The following TRMT1L variants were observed in gnomAD, a reference collection of about 807,000 sequenced individuals.
The protein encoded by TRMT1L is tRNA (guanine(27)-N(2))-dimethyltransferase.
Under a neutral mutation model 81.6 loss-of-function variants are expected in TRMT1L, and 28 were observed. That is an observed-to-expected ratio of 0.34 (90% CI 0.25 to 0.47). TRMT1L has a LOEUF of 0.47. Ranked by LOEUF, TRMT1L falls within the 20% of genes least tolerant of loss-of-function variation. The probability of loss-of-function intolerance (pLI) is 1.00; values close to 1 mark genes in which losing one functional copy is unlikely to be tolerated. For synonymous variants in TRMT1L, 301 were observed against 303.2 expected (o/e 0.99, Z 0.07); for missense variants, 739 against 877.1 (o/e 0.84, Z 1.99).
intron 1 of TRMT1L, 54 bp from the exon 2 acceptor site, chr1:185,151,989 T>C: frequency 1.8e-6 from 2 of 1,113,148 alleles, no homozygotes; most frequent in African/African-American, 1.6e-5. Context: ...TCTAGTTCCA[T>C]TTTTATTGAT....
chr1:185,128,937 T>C (rs907392548), intron 10 of TRMT1L, among the ~76,000 whole-genome samples, 190 bp from the exon 11 acceptor site: 1 of 152,178 alleles, frequency 6.6e-6, no homozygotes, highest in African/African-American at 2.4e-5. Context: ...TATACACACA[T>C]ATATGTGCAC....
At position 185,142,504 on chromosome 1, in the gene TRMT1L, A is replaced by G. The variant is rs1404015029; in HGVS notation, c.859+853T>C. ...CTGTTTCTATTATCTTTTCTCTACT[A>G]TTAAGTCTTTTGAGAAGAATATTCT... On this transcript the variant is annotated intron_variant, in intron 7 of 14. Transcript: ENST00000367506. Among the ~76,000 whole-genome samples the G allele has an allele frequency of 2.0e-5, 3 of 152,142 alleles. No homozygotes were observed. In the East Asian group the frequency reaches 5.8e-4, roughly 29 times the overall value.
rs569492923 is a variant in TRMT1L at position 185,149,548 on chromosome 1, C to T, written c.460+831G>A. On this transcript the variant is annotated intron_variant, in intron 3 of 14. Coordinates refer to ENST00000367506, the MANE Select transcript of TRMT1L (RefSeq NM_030934.5). ...TGAACTCATGGCCTCAAGTGATCTT[C>T]CTGCCTCAGCTTCCCAAAGTGCTGA... is the stretch of plus-strand genomic sequence containing the variant. Among the ~76,000 whole-genome samples, 10 of 152,188 alleles carry T rather than the reference C, an allele frequency of 6.6e-5. No homozygotes were observed. In the South Asian group the frequency reaches 1.5e-3, roughly 22 times the overall value.
chr1:185,121,637 G>A (rs946050045), intron 13 of TRMT1L, among the ~76,000 whole-genome samples: 1 of 151,922 alleles, frequency 6.6e-6, no homozygotes, highest in Non-Finnish European at 1.5e-5. Flanking sequence ...ATCTAATGAG[G>A]CACCTAGTCA....
intron 13 of TRMT1L, among the ~76,000 whole-genome samples, chr1:185,122,006 T>C (rs1470405998): frequency 6.6e-6 from 1 of 152,036 alleles, no homozygotes; most frequent in African/African-American, 2.4e-5. Flanking sequence ...GTACCCAAAG[T>C]TTAGCTCCCA....
At chr1:185,137,303 C>G in intron 10 of TRMT1L, 1 of 379,440 alleles carries the variant, frequency 2.6e-6, no homozygotes, top group Non-Finnish European at 4.8e-6. Context: ...TTTGTAACAG[C>G]CTGGAAAAAA....
rs746566967 is a variant in TRMT1L at position 185,143,889 on chromosome 1, T to C, written c.779+17A>G. 55 of 1,596,972 alleles carry C rather than the reference T, an allele frequency of 3.4e-5. No homozygotes were observed. Among genetic ancestry groups the C allele is most frequent in the Non-Finnish European group, 4.4e-5 (52 of 1,168,738 alleles). On this transcript the variant is annotated intron_variant, in intron 6 of 14. Coordinates refer to ENST00000367506, the MANE Select transcript of TRMT1L (RefSeq NM_030934.5). ...TAATTTGAAACATCCCATAACCCTA[T>C]TTTCAATTTATCTTACCGATTTAGT...
intron 10 of TRMT1L, among the ~76,000 whole-genome samples, chr1:185,136,796 G>C (rs1485733898): frequency 6.6e-6 from 1 of 152,090 alleles, no homozygotes; most frequent in Non-Finnish European, 1.5e-5. Context: ...AGAAAATCTA[G>C]AAGCAAACTC....
At chr1:185,124,727 TTCA>T in intron 12 of TRMT1L, 1 of 306,726 alleles carries the variant, frequency 3.3e-6, no homozygotes. Flanking sequence ...AACAACACTA[TTCA>T]TCATTCACCT....
chr1:185,157,041 A>G (rs978427833), upstream of TRMT1L: 1 of 319,224 alleles, frequency 3.1e-6, no homozygotes, highest in African/African-American at 2.2e-5. Context: ...TCTCCGGCCC[A>G]CCGGCCAACC....
chr1:185,135,415 CAAAA>C (rs1196621264), intron 10 of TRMT1L, among the ~76,000 whole-genome samples: 2 of 68,536 alleles, frequency 2.9e-5, no homozygotes, highest in Non-Finnish European at 3.1e-5. Context: ...GACTCCGTCT[CAAAA>C]AAAAAAAAAA....
chr1:185,124,881 G>T, intron 12 of TRMT1L, 63 bp downstream of exon 12: 2 of 1,426,334 alleles, frequency 1.4e-6, no homozygotes, highest in South Asian at 2.9e-5. Flanking sequence ...AAATACAATT[G>T]AAAAAGATAC....
chr1:185,136,428 TAGAA>T (rs370578414), intron 10 of TRMT1L, among the ~76,000 whole-genome samples: 19 of 151,812 alleles, frequency 1.3e-4, no homozygotes, highest in African/African-American at 4.3e-4. Flanking sequence ...AATAAAAAAA[TAGAA>T]AGCGCTAGAG....
At chr1:185,133,597 T>G (rs536901280) in intron 10 of TRMT1L, among the ~76,000 whole-genome samples, 2,675 of 135,394 alleles carry the variant, frequency 0.02, 24 homozygotes, top group Non-Finnish European at 0.027. Flanking sequence ...TCTGACTTGC[T>G]TTTTTTTTTT....
At chr1:185,124,523 C>A (rs1185755335) in intron 12 of TRMT1L, among the ~76,000 whole-genome samples, 1 of 151,744 alleles carries the variant, frequency 6.6e-6, no homozygotes. Flanking sequence ...TATGGTGAGA[C>A]CCCATCTCTA....
In TRMT1L at chr1:185,151,871, T is replaced by G. The variant is rs762414442; in HGVS notation, c.300A>C (p.Gly100=). 39 of 1,605,116 alleles carry G rather than the reference T, an allele frequency of 2.4e-5. No homozygotes were observed. The highest frequency in any genetic ancestry group is 2.6e-5 in the Non-Finnish European group (31 of 1,176,400). Residue 100 remains glycine (G), a synonymous_variant, in exon 2 of 15, where the codon GGA becomes GGC. Coordinates refer to ENST00000367506, the MANE Select transcript of TRMT1L (RefSeq NM_030934.5). ...TCAATGAGCTGGCAGAGTCAAAATTTCCATCAGTTACAAAAGCTAAATTCT... is the reference window on the plus strand; with the variant it reads ...TCAATGAGCTGGCAGAGTCAAAATTGCCATCAGTTACAAAAGCTAAATTCT... The part of the protein sequence containing the change: ...DLENLAFVTD[G]NFDSASSLNS...
intron 1 of TRMT1L, among the ~76,000 whole-genome samples, chr1:185,152,449 G>A (rs1055924648): frequency 2.6e-5 from 4 of 152,226 alleles, no homozygotes; most frequent in Non-Finnish European, 5.9e-5. Flanking sequence ...GTCAGTAGAA[G>A]TATGTGCAGC....
At chr1:185,133,916 T>C (rs1652833856) in intron 10 of TRMT1L, among the ~76,000 whole-genome samples, 1 of 152,110 alleles carries the variant, frequency 6.6e-6, no homozygotes, top group Admixed American at 6.5e-5. Context: ...CAAATAAAAT[T>C]TGCGAACAAT....
At position 185,139,425 on chromosome 1, in the gene TRMT1L, C is replaced by T; in HGVS notation, c.1264G>A (p.Val422Ile). The T allele has an allele frequency of 6.2e-7, 1 of 1,614,100 alleles. No individual in the cohort carries two copies. The highest frequency in any genetic ancestry group is 1.1e-5 in the South Asian group (1 of 91,076). Residue 422 changes from valine (V) to isoleucine (I), a missense_variant, in exon 9 of 15, where the codon GTC becomes ATC. By Grantham distance (29) the Val-to-Ile change is conservative. Around this residue, in one of 4 missense-constraint regions of TRMT1L, gnomAD observed 331 missense variants for 462.2 expected, o/e 0.72. Coordinates refer to ENST00000367506, the MANE Select transcript of TRMT1L (RefSeq NM_030934.5). The stretch of plus-strand genomic sequence containing the variant: ...AGTTCCTTGTAATATTCAGTTCGGA[C>T]AATGTTACATCCGTAGTGACGCCGG... ...VARRHYGCNI[V>I]RTEYYKELAA...
Sources: gnomAD v4.1 joint callset for allele counts (sites outside exome capture counted in the v4.1 genomes callset) on GRCh38, gnomAD v4.1.1 for gene constraint, gnomAD v4.1.1 regional missense constraint, MANE v1.5 for transcripts, NCBI Gene and HGNC (gene_info 2026-07-23, HGNC 2026-07-21) for gene names.